SFT2D1: variants seen among roughly 807,000 people sequenced by gnomAD.
The protein encoded by SFT2D1 is SFT2 domain containing 1.
SFT2D1 carries 24 observed loss-of-function variants against 28.1 expected under a neutral mutation model. The observed-to-expected ratio is 0.85, with a 90% CI of 0.62 to 1.20. The LOEUF is 1.20. Among genes scored for constraint, SFT2D1 ranks in the 50% most tolerant of loss-of-function variants. SFT2D1 has a pLI of 0.00. For synonymous variants in SFT2D1, 82 were observed against 73.7 expected (o/e 1.11, Z -0.58); for missense variants, 181 against 190.9 (o/e 0.95, Z 0.31).
intron 1 of SFT2D1, among the ~76,000 whole-genome samples, chr6:166,340,346 G>A (rs1778753094): frequency 6.6e-6 from 1 of 152,136 alleles, no homozygotes; most frequent in Non-Finnish European, 1.5e-5. Context: ...CCACCACTCT[G>A]CTCTAAACCC....
chr6:166,329,661 G>T, intron 2 of SFT2D1, 72 bp from the exon 3 acceptor site: 1 of 1,188,974 alleles, frequency 8.4e-7, no homozygotes, highest in Non-Finnish European at 1.2e-6. Flanking sequence ...ACGTGCTACT[G>T]CAGTAATACA....
At position 166,341,429 on chromosome 6, in the gene SFT2D1, G is replaced by C. The variant is rs1327332195; in HGVS notation, c.63+990C>G. ...ACGCCACTGCACTCCAGGCCTGAGC[G>C]ACAAAGCAAGACTCCATCTAAAAAA... On this transcript the variant is annotated intron_variant, in intron 1 of 7. Transcript: ENST00000361731. Among the ~76,000 whole-genome samples, 4 of 143,332 alleles carry C rather than the reference G, an allele frequency of 2.8e-5. 1 individual carries two copies. Among genetic ancestry groups the C allele is most frequent in the African/African-American group, 7.9e-5 (3 of 37,948 alleles). The allele number at this position is 143,332 out of a possible 152,430, so 94.0% of individuals were successfully genotyped here.
intron 2 of SFT2D1, 97 bp from the exon 3 acceptor site, chr6:166,329,686 T>TAATA: frequency 1.1e-6 from 1 of 928,724 alleles, no homozygotes; most frequent in Non-Finnish European, 1.6e-6. Flanking sequence ...CAATATTATG[T>TAATA]AATATGTTTA....
intron 7 of SFT2D1, among the ~76,000 whole-genome samples, chr6:166,321,750 T>C (rs190909138): frequency 4.7e-4 from 72 of 152,352 alleles, no homozygotes; most frequent in African/African-American, 1.5e-3. Flanking sequence ...TTGGAACTAG[T>C]TTTGTTTTCT....
At chr6:166,324,756 T>TAAAACCCAA (rs1398303606) in intron 5 of SFT2D1, 161 bp from the exon 6 acceptor site, 9 of 647,932 alleles carry the variant, frequency 1.4e-5, no homozygotes, top group African/African-American at 1.3e-4. Flanking sequence ...TCTGAAACTT[T>TAAAACCCAA]AAAACCCAAA....
chr6:166,336,976 T>TG (rs1369234858), intron 1 of SFT2D1, among the ~76,000 whole-genome samples: 10 of 152,290 alleles, frequency 6.6e-5, no homozygotes, highest in Admixed American at 2.6e-4. Flanking sequence ...ATAGGAATTC[T>TG]GGGGGGGACA....
At chr6:166,327,718 T>C (rs1778473878) in intron 4 of SFT2D1, among the ~76,000 whole-genome samples, 1 of 152,290 alleles carries the variant, frequency 6.6e-6, no homozygotes, top group Non-Finnish European at 1.5e-5. Context: ...CACCATGCCA[T>C]ATACGCAGCA....
Position 166,326,163 on chromosome 6 carries a change from C to A in SFT2D1, c.320G>T (p.Cys107Phe). The A allele has an allele frequency of 1.9e-6, 3 of 1,613,460 alleles. No homozygotes were observed. Among genetic ancestry groups the A allele is most frequent in the South Asian group, 1.1e-5 (1 of 91,046 alleles). ...RLLATIVMLL[C>F]FIFTLCAALW... ...AGCAGCACACAGGGTAAATATGAAA[C>A]ACAACTACAGGGGAAGAAAGAGTAG... is the stretch of plus-strand genomic sequence containing the variant. The change falls in exon 5 of 8, where the codon TGT (cysteine) becomes TTT (phenylalanine). Residue 107 changes from cysteine (C) to phenylalanine (F), a missense_variant. Cys to Phe is a radical substitution (Grantham distance 205). Transcript: ENST00000361731.
chr6:166,332,190 C>T (rs1778564484), intron 1 of SFT2D1, among the ~76,000 whole-genome samples: 1 of 152,192 alleles, frequency 6.6e-6, no homozygotes, highest in Admixed American at 6.5e-5. Context: ...ATTGGGAAAA[C>T]TGTGATATGC....
At chr6:166,341,045 G>T (rs992798910) in intron 1 of SFT2D1, among the ~76,000 whole-genome samples, 1 of 152,170 alleles carries the variant, frequency 6.6e-6, no homozygotes, top group African/African-American at 2.4e-5. Flanking sequence ...CTGTATCTGC[G>T]CTGTTTAATA....
intron 5 of SFT2D1, chr6:166,325,900 T>G (rs1030556806): frequency 9.0e-6 from 5 of 556,836 alleles, no homozygotes; most frequent in Non-Finnish European, 1.6e-5. Context: ...GCTGGGTGGG[T>G]GAGCATGTGT....
chr6:166,342,032 T>C (rs115733708), intron 1 of SFT2D1, among the ~76,000 whole-genome samples: 3,360 of 152,270 alleles, frequency 0.022, 128 homozygotes, highest in African/African-American at 0.075. Context: ...CTCGGCTCAC[T>C]GCAGCTTGCA....
intron 1 of SFT2D1, among the ~76,000 whole-genome samples, chr6:166,340,126 G>C (rs963037790): frequency 6.6e-6 from 1 of 152,202 alleles, no homozygotes; most frequent in Non-Finnish European, 1.5e-5. Flanking sequence ...TGTACACTCA[G>C]ACCATTTACA....
intron 1 of SFT2D1, among the ~76,000 whole-genome samples, chr6:166,332,756 T>A (rs1009873860): frequency 6.6e-6 from 1 of 152,220 alleles, no homozygotes; most frequent in Admixed American, 6.5e-5. Context: ...TACAGGCCCT[T>A]GAGGAGGGGC....
intron 7 of SFT2D1, among the ~76,000 whole-genome samples, 168 bp downstream of exon 7, chr6:166,322,689 C>CAAAA (rs1159615099): frequency 2.0e-4 from 11 of 54,586 alleles, no homozygotes; most frequent in South Asian, 1.5e-3. Flanking sequence ...GACTCTGTCT[C>CAAAA]AAAAAAAAAA....
At chr6:166,327,852 G>A (rs1778476823) in intron 4 of SFT2D1, among the ~76,000 whole-genome samples, 1 of 152,100 alleles carries the variant, frequency 6.6e-6, no homozygotes, top group Admixed American at 6.5e-5. Flanking sequence ...CCAGTCTGGA[G>A]TGCAATGGTG....
intron 1 of SFT2D1, among the ~76,000 whole-genome samples, chr6:166,337,365 G>A (rs1011107141): frequency 1.3e-5 from 2 of 152,136 alleles, no homozygotes; most frequent in Non-Finnish European, 2.9e-5. Context: ...TTAATTCCAA[G>A]GAACATTTTT....
chr6:166,335,412 G>A (rs1482128142), intron 1 of SFT2D1: 7 of 568,662 alleles, frequency 1.2e-5, no homozygotes, highest in East Asian at 4.5e-5. Flanking sequence ...CCCATAAAGG[G>A]AGGAAACTTT....
At chr6:166,331,955 T>C (rs1778560816) in intron 1 of SFT2D1, among the ~76,000 whole-genome samples, 1 of 152,248 alleles carries the variant, frequency 6.6e-6, no homozygotes, top group Non-Finnish European at 1.5e-5. Flanking sequence ...TGCTTTTCAA[T>C]AGCCAGTTTT....
Sources: allele counts gnomAD v4.1 joint callset (sites outside exome capture counted in the v4.1 genomes callset), GRCh38; gene constraint gnomAD v4.1.1; transcripts MANE v1.5; gene names NCBI Gene and HGNC (gene_info 2026-07-23, HGNC 2026-07-21).